GRM7: variants seen among roughly 807,000 people sequenced by gnomAD.
GRM7 encodes the protein metabotropic glutamate receptor 7.
A neutral mutation model predicts 84.5 loss-of-function variants in GRM7; 35 were observed. The ratio of observed to expected loss-of-function variants is 0.41; its 90% CI spans 0.32 to 0.55. The LOEUF (loss-of-function observed/expected upper bound fraction) is 0.55, where lower values mean the gene tolerates loss of function less well. Ranked by LOEUF, GRM7 falls within the 20% of genes least tolerant of loss-of-function variation. GRM7 has a pLI of 0.19. For missense variants in GRM7, 1,003 were observed against 1,194.6 expected (o/e 0.84, Z 2.36); for synonymous variants, 487 against 455.1 (o/e 1.07, Z -0.89).
chr3:7,290,454 A>G (rs1699582222), intron 2 of GRM7, among the ~76,000 whole-genome samples: 2 of 152,226 alleles, frequency 1.3e-5, no homozygotes, highest in African/African-American at 4.8e-5. Flanking sequence ...AGTGCCTGAG[A>G]TAAAATGATA....
At chr3:7,398,616 T>G (rs1177003262) in intron 4 of GRM7, among the ~76,000 whole-genome samples, 4 of 152,042 alleles carry the variant, frequency 2.6e-5, no homozygotes, top group Admixed American at 2.6e-4. Flanking sequence ...GTGGGTGGGT[T>G]TTTTGTGTGT....
At chr3:7,245,630 A>G (rs1376080183) in intron 2 of GRM7, among the ~76,000 whole-genome samples, 1 of 152,080 alleles carries the variant, frequency 6.6e-6, no homozygotes, top group Non-Finnish European at 1.5e-5. Flanking sequence ...TCAAATATGA[A>G]AGTTGGAAGA....
chr3:7,740,255 C>T, intron 9 of GRM7, 102 bp from the exon 10 acceptor site: 1 of 742,158 alleles, frequency 1.3e-6, no homozygotes, highest in South Asian at 1.7e-5. Flanking sequence ...AGCTGTATCA[C>T]CTCACTTTGA....
Position 7,183,591 on chromosome 3 carries a change from C to T in GRM7, c.736+36923C>T, listed in dbSNP as rs141557251. The stretch of plus-strand genomic sequence containing the variant: ...GCAGTGAGCCAAGATCACGCCACTG[C>T]ACTCCAGCCTGGGTGACAGCAAGAC... On this transcript the variant is annotated intron_variant, in intron 2 of 9. Coordinates refer to ENST00000357716, the MANE Select transcript of GRM7 (RefSeq NM_000844.4). 8.3e-4 allele frequency among the ~76,000 whole-genome samples: 127 copies of T among 152,200 alleles called. 1 individual carries two copies. The highest frequency in any genetic ancestry group is 3.0e-3 in the African/African-American group (125 of 41,532).
At chr3:7,067,343 T>C (rs1430848805) in intron 1 of GRM7, among the ~76,000 whole-genome samples, 1 of 151,996 alleles carries the variant, frequency 6.6e-6, no homozygotes, top group Admixed American at 6.6e-5. Flanking sequence ...AAGATTAATG[T>C]ACACAAATCA....
chr3:7,067,892 T>G (rs1297758764), intron 1 of GRM7, among the ~76,000 whole-genome samples: 1 of 151,948 alleles, frequency 6.6e-6, no homozygotes, highest in Non-Finnish European at 1.5e-5. Flanking sequence ...CTGAAATATA[T>G]TGCTGCACAT....
rs573824895 is a variant in GRM7, at chr3:7,716,953, A to G, written c.2699-23404A>G. Among the ~76,000 whole-genome samples the G allele has an allele frequency of 1.1e-4, 16 of 152,246 alleles. 1 individual carries two copies. The highest frequency in any genetic ancestry group is 2.1e-4 in the Non-Finnish European group (14 of 68,008). On this transcript the variant is annotated intron_variant, in intron 9 of 9. Coordinates refer to ENST00000357716, the MANE Select transcript of GRM7 (RefSeq NM_000844.4). ...AAAAATATATCACTGTACTCTGTTT[A>G]CTTGATGAGGCAGGCTGAGTGTTAT...
intron 8 of GRM7, chr3:7,607,449 A>G (rs1296860807): frequency 2.0e-5 from 3 of 152,222 alleles, no homozygotes; most frequent in African/African-American, 7.2e-5. Context: ...AAAGAAAACC[A>G]AAACAAAACA....
chr3:7,491,982 T>A (rs1699535310), intron 7 of GRM7, among the ~76,000 whole-genome samples: 1 of 152,134 alleles, frequency 6.6e-6, no homozygotes, highest in South Asian at 2.1e-4. Context: ...TGGTTTTTCT[T>A]CTGTGGCTTA....
chr3:7,210,828 A>G (rs985255005), intron 2 of GRM7, among the ~76,000 whole-genome samples: 10 of 150,828 alleles, frequency 6.6e-5, no homozygotes, highest in African/African-American at 1.5e-4. Context: ...AGGAATTATA[A>G]TGTTCTGTTT....
rs376499855 is a variant in GRM7 at position 7,621,453 on chromosome 3, A to G, written c.2451+42096A>G. 5.3e-5 allele frequency among the ~76,000 whole-genome samples: 8 copies of G among 152,270 alleles called. No individual in the cohort carries two copies. In the South Asian group the frequency reaches 1.7e-3, roughly 32 times the overall value. On this transcript the variant is annotated intron_variant, in intron 8 of 9. Coordinates refer to ENST00000357716, the MANE Select transcript of GRM7 (RefSeq NM_000844.4). ...AAACGTGGACCCTGCCAAAAGAATT[A>G]TGGATGAAATTAGCATCTACCGGAA...
chr3:6,929,485 A>G (rs1205989067), intron 1 of GRM7, among the ~76,000 whole-genome samples: 3 of 152,212 alleles, frequency 2.0e-5, no homozygotes, highest in Non-Finnish European at 2.9e-5. Flanking sequence ...ATACAGTAGC[A>G]GACTGCCTGC....
chr3:7,123,340 C>T (rs1693286864), intron 1 of GRM7, among the ~76,000 whole-genome samples: 1 of 152,154 alleles, frequency 6.6e-6, no homozygotes, highest in African/African-American at 2.4e-5. Flanking sequence ...AAAGTGGGGC[C>T]AGGCATGGTG....
chr3:7,465,406 A>T (rs1206438688), intron 7 of GRM7, among the ~76,000 whole-genome samples: 2 of 151,984 alleles, frequency 1.3e-5, no homozygotes, highest in African/African-American at 4.8e-5. Context: ...ATTTAATTTG[A>T]ATTGTGTTCA....
At chr3:7,173,020 A>G (rs537276214) in intron 2 of GRM7, among the ~76,000 whole-genome samples, 1 of 152,232 alleles carries the variant, frequency 6.6e-6, no homozygotes, top group Non-Finnish European at 1.5e-5. Flanking sequence ...TGTGTATTTA[A>G]CCTCAGAAGA....
intron 5 of GRM7, 24 bp downstream of exon 5, chr3:7,415,187 C>T (rs755907223): frequency 6.2e-7 from 1 of 1,601,232 alleles, no homozygotes. Context: ...CGTTGTCCTT[C>T]TCCTATTACT....
At chr3:6,927,405 G>A (rs1389757295) in intron 1 of GRM7, among the ~76,000 whole-genome samples, 2 of 150,990 alleles carry the variant, frequency 1.3e-5, no homozygotes, top group Non-Finnish European at 3.0e-5. Flanking sequence ...TCCAGCCTGG[G>A]TGACAGAGCT....
Position 6,862,336 on chromosome 3 carries a change from C to T in GRM7, c.519+429C>T, listed in dbSNP as rs1316184456. 1.3e-5 allele frequency among the ~76,000 whole-genome samples: 2 copies of T among 152,014 alleles called. No individual in the cohort carries two copies. Among genetic ancestry groups the T allele is most frequent in the Admixed American group, 1.3e-4 (2 of 15,252 alleles). On this transcript the variant is annotated intron_variant, in intron 1 of 9. Coordinates refer to ENST00000357716, the MANE Select transcript of GRM7 (RefSeq NM_000844.4). This position sits in a 1 kb window ranked among gnomAD's most constrained non-coding sequence, Gnocchi z 5.2. ...CATTTCCCAACTCCCCAGCTTCCCA[C>T]CCCCAAGCCAGCCTGCCAACCTGCA...
chr3:7,361,581 G>A (rs1356211401), intron 4 of GRM7, among the ~76,000 whole-genome samples: 1 of 152,002 alleles, frequency 6.6e-6, no homozygotes, highest in Non-Finnish European at 1.5e-5. Flanking sequence ...AAGACCCCCT[G>A]TAGATTACCT....
Sources: gnomAD v4.1 joint callset for allele counts (sites outside exome capture counted in the v4.1 genomes callset) on GRCh38, gnomAD v4.1.1 for gene constraint, Gnocchi (gnomAD v3.1) non-coding constraint, MANE v1.5 for transcripts, NCBI Gene and HGNC (gene_info 2026-07-23, HGNC 2026-07-21) for gene names.